KDM6B: variants seen among roughly 807,000 people sequenced by gnomAD.
KDM6B encodes lysine demethylase 6B.
In KDM6B, 22 loss-of-function variants were observed where a neutral mutation model predicts 150.4. The observed-to-expected ratio is 0.15, with a 90% CI of 0.10 to 0.21. KDM6B has a LOEUF of 0.21. Among genes scored for constraint, KDM6B ranks in the 10% least tolerant of loss-of-function variants. The pLI is 1.00. For missense variants in KDM6B, 1,984 were observed against 2,234.3 expected, an observed-to-expected ratio of 0.89 and a Z score of 2.26; for synonymous variants, 1,148 against 921.1, an observed-to-expected ratio of 1.25 and a Z score of -4.46.
Position 7,848,456 on chromosome 17 carries a change from C to T in KDM6B, c.2168C>T (p.Pro723Leu). ...QQHEAGVAPQ[P>L]PLKEPFASLQ... is the part of the protein sequence containing the mutation. The stretch of plus-strand genomic sequence containing the variant: ...CACGAAGCAGGCGTGGCCCCCCAAC[C>T]CCCGCTGAAGGAGCCCTTTGCATCT... Residue 723 changes from proline (P) to leucine (L), a missense_variant, in exon 12 of 24, where the codon CCC (proline) becomes CTC (leucine). Around this residue, in one of 13 missense-constraint regions of KDM6B, gnomAD observed 1,379 missense variants for 1,275.6 expected, o/e 1.08. Transcript: ENST00000448097. 2.5e-6 allele frequency: 4 copies of T among 1,612,422 alleles called. No individual in the cohort carries two copies. The highest frequency in any genetic ancestry group is 3.4e-6 in the Non-Finnish European group (4 of 1,179,956).
rs200120484 is a variant in KDM6B at position 7,847,874 on chromosome 17, C to T, written c.1586C>T (p.Pro529Leu). Residue 529 changes from proline (P) to leucine (L), a missense_variant, in exon 12 of 24, where the codon CCG becomes CTG. By Grantham distance (98) the Pro-to-Leu change is moderately conservative. This residue lies in a region of KDM6B where 1,379 missense variants were observed against 1,275.6 expected (regional missense o/e 1.08). Coordinates refer to ENST00000448097, the MANE Select transcript of KDM6B (RefSeq NM_001348716.2). The stretch of plus-strand genomic sequence containing the variant: ...CATCGCGAGGGCTTCTTGGGGCCTC[C>T]GGCCTCCCGCTTTTCTGTGGGCACT... ...LPHREGFLGP[P>L]ASRFSVGTQD... 4.1e-5 allele frequency: 65 copies of T among 1,604,238 alleles called. No homozygotes were observed. The highest frequency in any genetic ancestry group is 6.7e-5 in the East Asian group (3 of 44,534).
At chr17:7,835,811 C>G (rs1028505333) in intron 1 of KDM6B, among the ~76,000 whole-genome samples, 1 of 151,894 alleles carries the variant, frequency 6.6e-6, no homozygotes, top group Non-Finnish European at 1.5e-5. Context: ...GCCGGGCGCC[C>G]CCCTCCCCTC....
intron 9 of KDM6B, 27 bp downstream of exon 9, chr17:7,846,767 A>T (rs749361030): frequency 2.5e-6 from 4 of 1,613,986 alleles, no homozygotes; most frequent in Non-Finnish European, 3.4e-6. Flanking sequence ...GCCAGCAGGC[A>T]GTAAGTAGGC....
At position 7,853,654 on chromosome 17, in the gene KDM6B, T is replaced by A. The variant is rs2078751060; in HGVS notation, c.*133T>A. ...CCAGCCCTTCCACCCCATTGGCAGC[T>A]CCCCTCACTTAATTTATTAAGAAAA... On this transcript the variant is annotated 3_prime_UTR_variant, in exon 24 of 24. Coordinates refer to ENST00000448097, the MANE Select transcript of KDM6B (RefSeq NM_001348716.2). 4 of 442,008 alleles carry A rather than the reference T, an allele frequency of 9.0e-6. No individual in the cohort carries two copies. Among genetic ancestry groups the A allele is most frequent in the Non-Finnish European group, 1.4e-5 (4 of 282,780 alleles). 27.4% of individuals were successfully genotyped at this position (442,008 alleles called of 1,614,324 possible).
chr17:7,853,317 C>G lies in KDM6B; in HGVS notation c.4845C>G (p.Gly1615=), dbSNP rs202204039. 3 of 1,593,348 alleles carry G rather than the reference C, an allele frequency of 1.9e-6. No homozygotes were observed. Among genetic ancestry groups the G allele is most frequent in the Non-Finnish European group, 8.5e-7 (1 of 1,171,240 alleles). The change falls in exon 23 of 24, where the codon GGC becomes GGG. Residue 1615 remains glycine, a synonymous_variant. Transcript: ENST00000448097. ...GGCGCCGCAGCGCAGGCCTGCAGGG[C>G]GTGGTGGTGCTGGAGCAGTACCGCA... ...CARRRSAGLQ[G]VVVLEQYRTE...
rs933165124 is a variant in KDM6B at position 7,847,448 on chromosome 17, G to C, written c.1253G>C (p.Gly418Ala). The C allele has an allele frequency of 3.7e-6, 6 of 1,613,678 alleles. No homozygotes were observed. The highest frequency in any genetic ancestry group is 5.1e-6 in the Non-Finnish European group (6 of 1,179,958). ...TGLRGVEPNP[G>A]IPGADHYQTP... Reference sequence around the variant, plus strand: ...CTCCGGGGCGTGGAGCCGAACCCAGGCATTGTGAGTGACAACTGAGGGTGG... The same window carrying C: ...CTCCGGGGCGTGGAGCCGAACCCAGCCATTGTGAGTGACAACTGAGGGTGG... Residue 418 changes from glycine to alanine, a missense_variant, in exon 11 of 24, where the codon GGC becomes GCC. This residue lies in a region of KDM6B where 1,379 missense variants were observed against 1,275.6 expected (regional missense o/e 1.08). Transcript: ENST00000448097.
At position 7,852,608 on chromosome 17, in the gene KDM6B, A is replaced by T. The variant is rs758797895; in HGVS notation, c.4582A>T (p.Ser1528Cys). Residue 1528 changes from serine (S) to cysteine (C), a missense_variant, in exon 21 of 24, where the codon AGC (serine) becomes TGC (cysteine). Physicochemically the swap from Ser to Cys is moderately radical, Grantham distance 112. Around this residue, in one of 13 missense-constraint regions of KDM6B, gnomAD observed 41 missense variants for 158.8 expected, o/e 0.26. Coordinates refer to ENST00000448097, the MANE Select transcript of KDM6B (RefSeq NM_001348716.2). ...GAACGTGGCTCGCACGGTCAAAATC[A>T]GCGACCCCGACTTGTTCAAGATGAT... ...SWNVARTVKI[S>C]DPDLFKMIKF... is the part of the protein sequence containing the mutation. 6 of 1,613,936 alleles carry T rather than the reference A, an allele frequency of 3.7e-6. No homozygotes were observed. The African/African-American group carries it at 6.7e-5, about 18-fold the overall frequency.
In KDM6B at chr17:7,849,630, C is replaced by T. The variant is rs770388647; in HGVS notation, c.3342C>T (p.Asp1114=). 3.0e-5 allele frequency: 48 copies of T among 1,611,474 alleles called. No homozygotes were observed. The highest frequency in any genetic ancestry group is 7.6e-6 in the Non-Finnish European group (9 of 1,180,022). ...KIRLIKVESG[D]KETFIASEVE... is the part of the protein sequence containing the mutation. Reference sequence around the variant, plus strand: ...GGCTCATCAAGGTAGAGAGTGGTGACAAGGAGACCTTTATCGCCTCTGAGG... The same window carrying T: ...GGCTCATCAAGGTAGAGAGTGGTGATAAGGAGACCTTTATCGCCTCTGAGG... The change falls in exon 12 of 24, where the codon GAC becomes GAT. Residue 1114 remains aspartate (D), a synonymous_variant. Coordinates refer to ENST00000448097, the MANE Select transcript of KDM6B (RefSeq NM_001348716.2).
rs2078739992 is a variant in KDM6B at position 7,853,276 on chromosome 17, TGCGAGGGCTGTGCCCGG to T, written c.4805_4821del (p.Cys1602SerfsTer18). 1 of 1,608,766 alleles carries T rather than the reference TGCGAGGGCTGTGCCCGG, an allele frequency of 6.2e-7. No homozygotes were observed. Among genetic ancestry groups the T allele is most frequent in the African/African-American group, 1.3e-5 (1 of 74,878 alleles). On this transcript the variant is annotated frameshift_variant, in exon 23 of 24. Coordinates refer to ENST00000448097, the MANE Select transcript of KDM6B (RefSeq NM_001348716.2). LOFTEE classifies it high-confidence loss of function. Reference sequence around the variant, plus strand: ...CAGCCGCAACACGTACCTGGTACACTGCGAGGGCTGTGCCCGGCGCCGCAGCGCAGGCCTGCAGGGCG... The same window carrying T: ...CAGCCGCAACACGTACCTGGTACACTCGCCGCAGCGCAGGCCTGCAGGGCG...
In KDM6B at chr17:7,848,689, G is replaced by A. The variant is rs138552338; in HGVS notation, c.2401G>A (p.Ala801Thr). 565 of 1,610,076 alleles carry A rather than the reference G, an allele frequency of 3.5e-4. No homozygotes were observed. The highest frequency in any genetic ancestry group is 4.7e-4 in the Non-Finnish European group (552 of 1,179,224). ...QPPPPPPPSP[A>T]SLLKSLASVL... Reference sequence around the variant, plus strand: ...ACCACCACCCCCACCCCCCAGCCCGGCCAGCCTGCTCAAATCCTTGGCCTC... The same window carrying A: ...ACCACCACCCCCACCCCCCAGCCCGACCAGCCTGCTCAAATCCTTGGCCTC... Residue 801 changes from alanine (A) to threonine (T), a missense_variant, in exon 12 of 24, where the codon GCC (alanine) becomes ACC (threonine). This residue lies in a region of KDM6B where 1,379 missense variants were observed against 1,275.6 expected (regional missense o/e 1.08). Transcript: ENST00000448097.
chr17:7,849,812 C>T lies in KDM6B; in HGVS notation c.3441-9C>T. ...ATGTTTCTGTCTTCATTCCACTGTC[C>T]TCCCGCAGGAATGCCAAGGTGAAAG... is the stretch of plus-strand genomic sequence containing the variant. On this transcript the variant is annotated splice_polypyrimidine_tract_variant and intron_variant, in intron 12 of 23. Coordinates refer to ENST00000448097, the MANE Select transcript of KDM6B (RefSeq NM_001348716.2). 6.2e-7 allele frequency: 1 copy of T among 1,613,012 alleles called. No homozygotes were observed. The highest frequency in any genetic ancestry group is 8.5e-7 in the Non-Finnish European group (1 of 1,180,034).
chr17:7,846,867 C>CCACCAT lies in KDM6B; in HGVS notation c.765_766insTCACCA (p.Pro255_Pro256insSerPro), dbSNP rs2078554347. 1 of 1,439,510 alleles carries CCACCAT rather than the reference C, an allele frequency of 6.9e-7. No individual in the cohort carries two copies. Among genetic ancestry groups the CCACCAT allele is most frequent in the Non-Finnish European group, 9.3e-7 (1 of 1,069,634 alleles). The allele number at this position is 1,439,510 out of a possible 1,614,324, so 89.2% of individuals were successfully genotyped here. Reference sequence around the variant, plus strand: ...ACTGCCTCCACCACCATTACCACCACCACCACCACCACCACCACCACCACC... The same window carrying CCACCAT: ...ACTGCCTCCACCACCATTACCACCACCACCATCACCACCACCACCACCACCACCACC... On this transcript the variant is annotated inframe_insertion, in exon 10 of 24. Transcript: ENST00000448097.
intron 17 of KDM6B, 36 bp downstream of exon 17, chr17:7,851,585 A>G (rs1238261381): frequency 6.2e-7 from 1 of 1,612,236 alleles, no homozygotes; most frequent in South Asian, 1.1e-5. Flanking sequence ...TTGGGGCAGG[A>G]GTGCTGCTAG....
rs1178822356 is a variant in KDM6B at position 7,843,402 on chromosome 17, C to T, written c.-268-1499C>T. Among the ~76,000 whole-genome samples the T allele has an allele frequency of 1.3e-5, 2 of 152,302 alleles. No individual in the cohort carries two copies. Among genetic ancestry groups the T allele is most frequent in the Middle Eastern group, 3.4e-3 (1 of 294 alleles). ...GTTCTGACAGTAATACCACGTGAACCGCGGAGAGGGTCCGCGGGGCCCAAG... is the reference window on the plus strand; with the variant it reads ...GTTCTGACAGTAATACCACGTGAACTGCGGAGAGGGTCCGCGGGGCCCAAG... On this transcript the variant is annotated intron_variant, in intron 2 of 23. Transcript: ENST00000448097. This position sits in a 1 kb window ranked among gnomAD's most constrained non-coding sequence, Gnocchi z 4.5.
Position 7,853,368 on chromosome 17 carries a change from C to T in KDM6B, c.4896C>T (p.Asp1632=), listed in dbSNP as rs745960741. 3 of 1,552,604 alleles carry T rather than the reference C, an allele frequency of 1.9e-6. No homozygotes were observed. In the South Asian group the frequency reaches 3.5e-5, roughly 18 times the overall value. ...YRTEELAQAY[D]AFTLAPASTS... ...CTGAGGAGCTGGCTCAGGCCTACGACGCCTTCACGCTGGTGAGGGCCCGGC... is the reference window on the plus strand; with the variant it reads ...CTGAGGAGCTGGCTCAGGCCTACGATGCCTTCACGCTGGTGAGGGCCCGGC... The change falls in exon 23 of 24, where the codon GAC becomes GAT. Residue 1632 remains aspartate, a synonymous_variant. Transcript: ENST00000448097.
chr17:7,851,449 C>G, intron 16 of KDM6B, 29 bp from the exon 17 acceptor site: 2 of 1,614,202 alleles, frequency 1.2e-6, no homozygotes. Flanking sequence ...CCTCTGCTCT[C>G]CACCAACCTG....
rs2078766307 is a variant in KDM6B, at chr17:7,854,263, C to T, written c.*742C>T. 1 of 152,662 alleles carries T rather than the reference C, an allele frequency of 6.6e-6. No individual in the cohort carries two copies. The highest frequency in any genetic ancestry group is 1.5e-5 in the Non-Finnish European group (1 of 68,078). 9.5% of individuals were successfully genotyped at this position (152,662 alleles called of 1,614,324 possible). ...CCGCCCGCGGCTCCAGCCGGGTTCT[C>T]ATGGTGCTCAAACCCGCTCCCCTCC... On this transcript the variant is annotated 3_prime_UTR_variant, in exon 24 of 24. Coordinates refer to ENST00000448097, the MANE Select transcript of KDM6B (RefSeq NM_001348716.2).
intron 2 of KDM6B, among the ~76,000 whole-genome samples, chr17:7,842,927 G>C (rs1287294835): frequency 1.3e-5 from 2 of 152,164 alleles, no homozygotes; most frequent in Non-Finnish European, 2.9e-5. Flanking sequence ...AAGGATCCGA[G>C]GTGGCTGGCG....
chr17:7,837,662 A>G (rs1002905727), intron 1 of KDM6B, among the ~76,000 whole-genome samples: 1 of 152,182 alleles, frequency 6.6e-6, no homozygotes, highest in East Asian at 1.9e-4. Context: ...GTTAATCTTG[A>G]ACATTTAAAT....
Sources: allele counts gnomAD v4.1 joint callset (sites outside exome capture counted in the v4.1 genomes callset), GRCh38; gene constraint gnomAD v4.1.1; regional missense constraint gnomAD v4.1.1; non-coding constraint Gnocchi (gnomAD v3.1); transcripts MANE v1.5; gene names NCBI Gene and HGNC (gene_info 2026-07-23, HGNC 2026-07-21).